Variants in ABL2 observed in about 807,000 individuals in gnomAD.
The protein encoded by ABL2 is ABL proto-oncogene 2, non-receptor tyrosine kinase.
ABL2 carries 49 observed loss-of-function variants against 107.7 expected under a neutral mutation model. That is an observed-to-expected ratio of 0.45 (90% CI 0.36 to 0.58). ABL2 has a LOEUF of 0.58. Ranked by LOEUF, ABL2 falls within the 20% of genes least tolerant of loss-of-function variation. The pLI, the probability that ABL2 is intolerant of heterozygous loss-of-function variation, is 0.00. For synonymous variants in ABL2, 549 were observed against 548.6 expected (o/e 1.00, Z -0.01); for missense variants, 1,245 against 1,457.0 (o/e 0.85, Z 2.37).
intron 1 of ABL2, among the ~76,000 whole-genome samples, chr1:179,135,686 C>CGGGA (rs1656847842): frequency 6.9e-6 from 1 of 145,982 alleles, no homozygotes; most frequent in Non-Finnish European, 1.5e-5. Flanking sequence ...CCGCCCCATC[C>CGGGA]GGGAGGTGAG....
At chr1:179,148,934 T>C (rs1392360311) in intron 1 of ABL2, among the ~76,000 whole-genome samples, 2 of 149,440 alleles carry the variant, frequency 1.3e-5, no homozygotes, top group Admixed American at 6.7e-5. Context: ...AAAAAGAAAT[T>C]AGACCAATTT....
intron 1 of ABL2, among the ~76,000 whole-genome samples, chr1:179,176,547 T>C (rs920912940): frequency 3.4e-4 from 52 of 152,204 alleles, no homozygotes; most frequent in African/African-American, 1.2e-3. Context: ...TTTAACTATA[T>C]GCATAAAAGG....
chr1:179,118,418 G>C (rs530411000), intron 7 of ABL2, among the ~76,000 whole-genome samples, 169 bp downstream of exon 7: 2 of 152,274 alleles, frequency 1.3e-5, no homozygotes, highest in East Asian at 3.9e-4. Context: ...ACTTTAATCA[G>C]AGTACAGTAG....
At chr1:179,178,383 CAG>C (rs2102791542) in intron 1 of ABL2, among the ~76,000 whole-genome samples, 1 of 98,238 alleles carries the variant, frequency 1.0e-5, no homozygotes, top group African/African-American at 3.3e-5. Flanking sequence ...GACTGGGTGA[CAG>C]AGCAAGACTC....
chr1:179,110,332 A>G lies in ABL2; in HGVS notation c.1775T>C (p.Ile592Thr). 1 of 1,614,208 alleles carries G rather than the reference A, an allele frequency of 6.2e-7. No individual in the cohort carries two copies. Among genetic ancestry groups the G allele is most frequent in the South Asian group, 1.1e-5 (1 of 91,084 alleles). The change falls in exon 11 of 12, where the codon ATT becomes ACT. Residue 592 changes from isoleucine (I) to threonine (T), a missense_variant. By Grantham distance (89) the Ile-to-Thr change is moderately conservative. Transcript: ENST00000502732. ...TTCTGTGGCATCTTGTGCCCCTTCAATGTTCTCCTTGTTCTCCACCTGTTT... is the reference window on the plus strand; with the variant it reads ...TTCTGTGGCATCTTGTGCCCCTTCAGTGTTCTCCTTGTTCTCCACCTGTTT... ...LKKQVENKEN[I>T]EGAQDATENS...
intron 1 of ABL2, among the ~76,000 whole-genome samples, chr1:179,140,088 T>C (rs1475650165): frequency 6.6e-6 from 1 of 152,208 alleles, no homozygotes; most frequent in Non-Finnish European, 1.5e-5. Context: ...AGATTGCTAC[T>C]CCTCTGTTCA....
intron 1 of ABL2, among the ~76,000 whole-genome samples, chr1:179,195,705 T>C (rs1661271280): frequency 6.6e-6 from 1 of 150,508 alleles, no homozygotes; most frequent in South Asian, 2.1e-4. Context: ...AGCCCTTAAA[T>C]AAAAAAAAAG....
At chr1:179,203,595 G>GT (rs1365049054) in intron 1 of ABL2, among the ~76,000 whole-genome samples, 1 of 150,722 alleles carries the variant, frequency 6.6e-6, no homozygotes. Flanking sequence ...TTGTATTATT[G>GT]TAACAAGCTA....
intron 1 of ABL2, among the ~76,000 whole-genome samples, chr1:179,135,500 G>A (rs1206182165): frequency 7.0e-5 from 10 of 143,616 alleles, no homozygotes; most frequent in Non-Finnish European, 9.1e-5. Flanking sequence ...CCCGGCAGCC[G>A]CCCCGTCTGA....
intron 1 of ABL2, among the ~76,000 whole-genome samples, chr1:179,216,896 C>A (rs192849286): frequency 8.6e-5 from 13 of 151,466 alleles, no homozygotes; most frequent in Admixed American, 8.5e-4. Context: ...ATTGGCCAGG[C>A]TGGTCTTGAA....
chr1:179,184,221 G>A, intron 1 of ABL2: 1 of 501,762 alleles, frequency 2.0e-6, no homozygotes, highest in South Asian at 1.9e-5. Context: ...AGAATTTGAA[G>A]ATACTAAGTC....
rs145756381 is a variant in ABL2 at position 179,160,039 on chromosome 1, G to A, written c.158-26665C>T. On this transcript the variant is annotated intron_variant, in intron 1 of 11. Coordinates refer to ENST00000502732, the MANE Select transcript of ABL2 (RefSeq NM_007314.4). ...TGAGGCAGGAGAATTGCTTGAACCC[G>A]GAAGGTGGAAGTTGCAGTGAGCCAA... Among the ~76,000 whole-genome samples, 383 of 152,004 alleles carry A rather than the reference G, an allele frequency of 2.5e-3. 5 individuals carry two copies. The highest frequency in any genetic ancestry group is 8.9e-3 in the African/African-American group (371 of 41,476).
chr1:179,187,513 G>GA (rs1343871464), intron 1 of ABL2, among the ~76,000 whole-genome samples: 1 of 151,856 alleles, frequency 6.6e-6, no homozygotes, highest in Non-Finnish European at 1.5e-5. Flanking sequence ...GAAGGCCTAA[G>GA]AAAAAAAATT....
chr1:179,110,757 G>A, intron 10 of ABL2: 1 of 1,613,876 alleles, frequency 6.2e-7, no homozygotes, highest in Non-Finnish European at 8.5e-7. Flanking sequence ...CCAGTTTGGA[G>A]TTACTATGAA....
intron 1 of ABL2, among the ~76,000 whole-genome samples, chr1:179,211,695 G>A (rs914413207): frequency 2.6e-5 from 4 of 151,242 alleles, no homozygotes; most frequent in South Asian, 2.1e-4. Flanking sequence ...TCAGGAGTTC[G>A]AGACCAGCCT....
chr1:179,126,299 A>G lies in ABL2; in HGVS notation c.687+78T>C. 6.9e-7 allele frequency: 1 copy of G among 1,455,408 alleles called. No homozygotes were observed. The highest frequency in any genetic ancestry group is 9.4e-7 in the Non-Finnish European group (1 of 1,068,230). 90.2% of individuals were successfully genotyped at this position (1,455,408 alleles called of 1,614,324 possible). A position where few individuals can be genotyped will look rare whatever the true frequency, so the allele number is the denominator to read the frequency against. ...TTTCACGTCAGACATAAAATCTATT[A>G]TTTCACTTCAATCACGTTGAATATT... On this transcript the variant is annotated intron_variant, in intron 4 of 11. Transcript: ENST00000502732. This position sits in a 1 kb window ranked among gnomAD's most constrained non-coding sequence, Gnocchi z 4.4.
At chr1:179,207,564 C>T (rs191974254) in intron 1 of ABL2, among the ~76,000 whole-genome samples, 1 of 152,212 alleles carries the variant, frequency 6.6e-6, no homozygotes, top group Admixed American at 6.5e-5. Context: ...TTTTTGAGTA[C>T]TTACCATTAA....
At chr1:179,188,215 C>T (rs1411295243) in intron 1 of ABL2, among the ~76,000 whole-genome samples, 1 of 152,076 alleles carries the variant, frequency 6.6e-6, no homozygotes, top group East Asian at 1.9e-4. Context: ...CAAACGTTAC[C>T]CCATCAGAGG....
rs1215333754 is a variant in ABL2 at position 179,108,607 on chromosome 1, G to A, written c.2660C>T (p.Ala887Val). 3 of 1,613,986 alleles carry A rather than the reference G, an allele frequency of 1.9e-6. No individual in the cohort carries two copies. The highest frequency in any genetic ancestry group is 2.2e-5 in the East Asian group (1 of 44,860). The stretch of plus-strand genomic sequence containing the variant: ...ACCATTCTTCTCTTTACCCTTGGGG[G>A]CAGCTGCCACTCCAGCCACTCCCAC... ...PGVGVAGVAAAPKGKEKNGGA... is the reference protein window; with the variant it reads ...PGVGVAGVAAVPKGKEKNGGA... Residue 887 changes from alanine (A) to valine (V), a missense_variant, in exon 12 of 12, where the codon GCC becomes GTC. Ala to Val is a moderately conservative substitution (Grantham distance 64, BLOSUM62 0). This residue lies in a region of ABL2 where 761 missense variants were observed against 766.4 expected (regional missense o/e 0.99). Transcript: ENST00000502732.
Sources: gnomAD v4.1 joint callset for allele counts (sites outside exome capture counted in the v4.1 genomes callset) on GRCh38, gnomAD v4.1.1 for gene constraint, gnomAD v4.1.1 regional missense constraint, Gnocchi (gnomAD v3.1) non-coding constraint, MANE v1.5 for transcripts, NCBI Gene and HGNC (gene_info 2026-07-23, HGNC 2026-07-21) for gene names.